IREB2: variants seen among roughly 807,000 people sequenced by gnomAD.
IREB2 encodes the protein iron responsive element binding protein 2, also known as iron-responsive element-binding protein 2.
In IREB2, 39 loss-of-function variants were observed where a neutral mutation model predicts 118.8. The observed-to-expected ratio is 0.33, with a 90% CI of 0.25 to 0.43. The LOEUF (loss-of-function observed/expected upper bound fraction) is 0.43, where lower values mean the gene tolerates loss of function less well. Ranked by LOEUF, IREB2 falls within the 20% of genes least tolerant of loss-of-function variation. The pLI is 1.00. For synonymous variants in IREB2, 372 were observed against 392.2 expected, an observed-to-expected ratio of 0.95 and a Z score of 0.61; for missense variants, 900 against 1,147.3, an observed-to-expected ratio of 0.78 and a Z score of 3.11.
chr15:78,441,647 C>CA (rs2050846119), intron 2 of IREB2, among the ~76,000 whole-genome samples: 1 of 152,072 alleles, frequency 6.6e-6, no homozygotes, highest in African/African-American at 2.4e-5. Flanking sequence ...AGGAAACTGT[C>CA]AAAAACAACT....
In IREB2 at chr15:78,466,255, CT is replaced by C; in HGVS notation, c.411-11del. ...CTTTTAAATGGCTTTATTTTGTTTT[CT>C]TTTTGGAATGACAGTGCAATACAGA... is the stretch of plus-strand genomic sequence containing the variant. On this transcript the variant is annotated splice_polypyrimidine_tract_variant and intron_variant, in intron 4 of 21. Transcript: ENST00000258886. The C allele has an allele frequency of 2.6e-6, 4 of 1,548,862 alleles. No individual in the cohort carries two copies. Among genetic ancestry groups the C allele is most frequent in the Non-Finnish European group, 3.5e-6 (4 of 1,138,562 alleles).
chr15:78,473,849 AT>A (rs1198739602), intron 8 of IREB2: 6 of 152,232 alleles, frequency 3.9e-5, no homozygotes, highest in Admixed American at 1.3e-4. Context: ...TTTTACTTGA[AT>A]TTAAAAAAAA....
chr15:78,460,817 GA>G (rs1173087779), intron 2 of IREB2, among the ~76,000 whole-genome samples: 3 of 151,832 alleles, frequency 2.0e-5, no homozygotes, highest in Non-Finnish European at 4.4e-5. Context: ...TGGCTACTGT[GA>G]TTTTTTTTTC....
intron 14 of IREB2, 100 bp from the exon 15 acceptor site, chr15:78,488,080 A>G: frequency 3.5e-6 from 4 of 1,154,470 alleles, no homozygotes; most frequent in East Asian, 2.5e-5. Flanking sequence ...TTTTTGGTTA[A>G]TCTCGCCCTC....
At chr15:78,472,069 T>A in intron 7 of IREB2, 145 bp downstream of exon 7, 1 of 566,340 alleles carries the variant, frequency 1.8e-6, no homozygotes, top group East Asian at 2.9e-5. Flanking sequence ...AACAAAATCC[T>A]AATTGAGAGT....
chr15:78,477,168 G>A (rs542633568), intron 9 of IREB2, among the ~76,000 whole-genome samples: 2 of 152,318 alleles, frequency 1.3e-5, no homozygotes, highest in African/African-American at 4.8e-5. Context: ...ATTCAAAGTA[G>A]AAATGGTTAG....
At chr15:78,438,867 T>G (rs2050799827) in intron 1 of IREB2, 1 of 152,268 alleles carries the variant, frequency 6.6e-6, no homozygotes, top group Non-Finnish European at 1.4e-5. Flanking sequence ...GTCAGTCAGT[T>G]CTCCGACCAT....
intron 2 of IREB2, among the ~76,000 whole-genome samples, chr15:78,455,648 A>ACTCTTCTACT (rs1357203355): frequency 2.6e-5 from 4 of 152,026 alleles, no homozygotes; most frequent in Non-Finnish European, 2.9e-5. Context: ...TATTGTTGTA[A>ACTCTTCTACT]CTCTTCTACT....
chr15:78,438,130 C>T (rs916735715), upstream of IREB2: 2 of 568,622 alleles, frequency 3.5e-6, no homozygotes, highest in East Asian at 2.9e-5. Flanking sequence ...CTTTGTTTTC[C>T]TGTCCGACGA....
chr15:78,471,613 T>C (rs1205973815), intron 6 of IREB2, 128 bp from the exon 7 acceptor site: 17 of 495,974 alleles, frequency 3.4e-5, no homozygotes, highest in Non-Finnish European at 5.5e-5. Context: ...TTTAACTATG[T>C]GATATGAACT....
At chr15:78,455,768 G>A (rs2051095619) in intron 2 of IREB2, among the ~76,000 whole-genome samples, 1 of 152,120 alleles carries the variant, frequency 6.6e-6, no homozygotes, top group Non-Finnish European at 1.5e-5. Flanking sequence ...GATATTGTTG[G>A]AAAAGTTGAG....
rs1595996370 is a variant in IREB2 at position 78,465,923 on chromosome 15, G to C, written c.411-348G>C. On this transcript the variant is annotated intron_variant, in intron 4 of 21. Transcript: ENST00000258886. Reference sequence around the variant, plus strand: ...CAATTTATTATAGCCCATGAGAGAGGTTTTGCCCTCGAGATAAACTGTAGC... The same window carrying C: ...CAATTTATTATAGCCCATGAGAGAGCTTTTGCCCTCGAGATAAACTGTAGC... 1.3e-5 allele frequency among the ~76,000 whole-genome samples: 2 copies of C among 152,108 alleles called. 1 individual carries two copies. The highest frequency in any genetic ancestry group is 4.1e-4 in the South Asian group (2 of 4,830).
Position 78,467,937 on chromosome 15 carries a change from G to A in IREB2, c.629+1448G>A, listed in dbSNP as rs532720351. 2.0e-5 allele frequency among the ~76,000 whole-genome samples: 3 copies of A among 152,122 alleles called. No individual in the cohort carries two copies. In the East Asian group the frequency reaches 5.8e-4, roughly 29 times the overall value. On this transcript the variant is annotated intron_variant, in intron 5 of 21. Transcript: ENST00000258886. ...TGCAGTGTCATAAGCATGGCTCACT[G>A]CAGTCTCGATCTCTTGGACTCAGGT...
At chr15:78,455,633 C>T (rs2051093577) in intron 2 of IREB2, among the ~76,000 whole-genome samples, 2 of 151,848 alleles carry the variant, frequency 1.3e-5, no homozygotes, top group Admixed American at 6.6e-5. Flanking sequence ...TGCTAATTTA[C>T]TCTCTATTGT....
upstream of IREB2, among the ~76,000 whole-genome samples, chr15:78,438,018 C>T (rs1292801036): frequency 6.6e-6 from 1 of 152,240 alleles, no homozygotes; most frequent in Non-Finnish European, 1.5e-5. Flanking sequence ...CTAGCCACGC[C>T]AACGCCCCCA....
At chr15:78,447,421 A>G (rs2089162) in intron 2 of IREB2, among the ~76,000 whole-genome samples, 35,320 of 150,552 alleles carry the variant, frequency 0.23, 5,394 homozygotes, top group Middle Eastern at 0.37. Context: ...ACCTCCGCCT[A>G]CCAGGTTCAA....
At position 78,498,057 on chromosome 15, in the gene IREB2, G is replaced by T; in HGVS notation, c.2806G>T (p.Val936Leu). ...GACAAGCACTGGAAAAGTATTCAGC[G>T]TGATTGCTTCGTTTGAAGATGATGT... ...IQTSTGKVFS[V>L]IASFEDDVEI... The change falls in exon 22 of 22, where the codon GTG (valine) becomes TTG (leucine). Residue 936 changes from valine (V) to leucine (L), a missense_variant. Physicochemically the swap from Val to Leu is conservative, Grantham distance 32. Coordinates refer to ENST00000258886, the MANE Select transcript of IREB2 (RefSeq NM_004136.4). 1 of 1,612,266 alleles carries T rather than the reference G, an allele frequency of 6.2e-7. No homozygotes were observed. The highest frequency in any genetic ancestry group is 8.5e-7 in the Non-Finnish European group (1 of 1,178,466).
In IREB2 at chr15:78,490,670, TA is replaced by T. The variant is rs770544419; in HGVS notation, c.2234del (p.Tyr745PhefsTer27). 6.2e-7 allele frequency: 1 copy of T among 1,614,094 alleles called. No individual in the cohort carries two copies. The highest frequency in any genetic ancestry group is 8.5e-7 in the Non-Finnish European group (1 of 1,179,942). ...QAIENAHVLLYLGDSVTTDHI... is the reference protein window; with the variant it reads ...QAIENAHVLLXLGDSVTTDHI... Reference sequence around the variant, plus strand: ...TATTGAAAATGCCCATGTCTTATTATATTTGGGAGACTCTGTCACAACAGAT... The same window carrying T: ...TATTGAAAATGCCCATGTCTTATTATTTTGGGAGACTCTGTCACAACAGAT... On this transcript the variant is annotated frameshift_variant, in exon 18 of 22. Coordinates refer to ENST00000258886, the MANE Select transcript of IREB2 (RefSeq NM_004136.4). LOFTEE classifies it high-confidence loss of function.
In IREB2 at chr15:78,452,615, C is replaced by T. The variant is rs1174412612; in HGVS notation, c.107-10307C>T. Among the ~76,000 whole-genome samples the T allele has an allele frequency of 3.9e-5, 6 of 152,022 alleles. No homozygotes were observed. In the South Asian group the frequency reaches 6.2e-4, roughly 16 times the overall value. ...TAGGCCTACCTAGAAGTGTTAAGAACTATAAAGGAGGCTTGGCATGGTGAC... is the reference window on the plus strand; with the variant it reads ...TAGGCCTACCTAGAAGTGTTAAGAATTATAAAGGAGGCTTGGCATGGTGAC... On this transcript the variant is annotated intron_variant, in intron 2 of 21. Coordinates refer to ENST00000258886, the MANE Select transcript of IREB2 (RefSeq NM_004136.4).
Sources: gnomAD v4.1 joint callset for allele counts (sites outside exome capture counted in the v4.1 genomes callset) on GRCh38, gnomAD v4.1.1 for gene constraint, MANE v1.5 for transcripts, NCBI Gene and HGNC (gene_info 2026-07-23, HGNC 2026-07-21) for gene names.